Variants in FBXL13 observed in about 807,000 individuals in gnomAD.
FBXL13 encodes the protein F-box and leucine-rich repeat protein 13.
A neutral mutation model predicts 83.6 loss-of-function variants in FBXL13; 67 were observed. The observed-to-expected ratio is 0.80, with a 90% CI of 0.66 to 0.98. The LOEUF is 0.98. Among genes scored for constraint, FBXL13 ranks in the 50% least tolerant of loss-of-function variants. The pLI is 0.00. For missense variants in FBXL13, 822 were observed against 866.5 expected (o/e 0.95, Z 0.64); for synonymous variants, 272 against 299.5 (o/e 0.91, Z 0.95).
intron 18 of FBXL13, among the ~76,000 whole-genome samples, chr7:102,824,555 G>A (rs1028892712): frequency 2.0e-4 from 30 of 150,940 alleles, no homozygotes; most frequent in African/African-American, 6.6e-4. Flanking sequence ...GCACAATCTC[G>A]GCTCACTGCA....
At position 103,028,842 on chromosome 7, in the gene FBXL13, T is replaced by A. The variant is rs562717186; in HGVS notation, c.69-94A>T. 19 of 1,064,588 alleles carry A rather than the reference T, an allele frequency of 1.8e-5. 1 individual carries two copies. The South Asian group carries it at 5.3e-4, about 30-fold the overall frequency. The allele number at this position is 1,064,588 out of a possible 1,614,324, so 65.9% of individuals were successfully genotyped here. Reference sequence around the variant, plus strand: ...AAGGAGAACAAAGAATGATATCTCCTTTATGACCTCAAAAACCACAGCATA... The same window carrying A: ...AAGGAGAACAAAGAATGATATCTCCATTATGACCTCAAAAACCACAGCATA... On this transcript the variant is annotated intron_variant, in intron 3 of 19. Transcript: ENST00000313221.
upstream of FBXL13, chr7:103,074,578 T>A (rs1008102819): frequency 1.6e-6 from 2 of 1,235,864 alleles, no homozygotes; most frequent in Non-Finnish European, 2.1e-6. Context: ...TGCCCCGCCT[T>A]CCCTCCACTC....
chr7:102,931,555 T>C (rs1041893920), intron 9 of FBXL13, among the ~76,000 whole-genome samples: 4 of 152,186 alleles, frequency 2.6e-5, no homozygotes, highest in African/African-American at 9.6e-5. Context: ...TTGATAGCCA[T>C]GAAGATAAAA....
intron 8 of FBXL13, among the ~76,000 whole-genome samples, chr7:102,959,947 A>G (rs572524979): frequency 1.3e-5 from 2 of 152,272 alleles, no homozygotes; most frequent in Admixed American, 1.3e-4. Context: ...AATATAAAAC[A>G]ATATGACTCA....
chr7:103,019,587 A>G lies in FBXL13; in HGVS notation c.495+5476T>C, dbSNP rs557588225. Among the ~76,000 whole-genome samples, 84 of 152,322 alleles carry G rather than the reference A, an allele frequency of 5.5e-4. 1 individual carries two copies. Among genetic ancestry groups the G allele is most frequent in the South Asian group, 3.5e-3 (17 of 4,832 alleles). Reference sequence around the variant, plus strand: ...TTGACAGACGGATAGCAAGACTCATAAAGAAGAAAAGAGGGAAGAATCAAA... The same window carrying G: ...TTGACAGACGGATAGCAAGACTCATGAAGAAGAAAAGAGGGAAGAATCAAA... On this transcript the variant is annotated intron_variant, in intron 6 of 19. Coordinates refer to ENST00000313221, the Ensembl canonical transcript of FBXL13.
In FBXL13 at chr7:103,002,795, G is replaced by A. The variant is rs139797721; in HGVS notation, c.495+22268C>T. Among the ~76,000 whole-genome samples the A allele has an allele frequency of 4.8e-3, 727 of 152,180 alleles. 6 individuals are homozygous for A. Among genetic ancestry groups the A allele is most frequent in the African/African-American group, 0.017 (687 of 41,538 alleles). ...TCCAGACAAATCAGACCTCTTTTATGGTTATTTCCTTCTTTTTTCTTGCTG... is the reference window on the plus strand; with the variant it reads ...TCCAGACAAATCAGACCTCTTTTATAGTTATTTCCTTCTTTTTTCTTGCTG... On this transcript the variant is annotated intron_variant, in intron 6 of 19. Transcript: ENST00000313221.
chr7:102,869,080 A>G (rs947614092), intron 16 of FBXL13, among the ~76,000 whole-genome samples: 1 of 152,220 alleles, frequency 6.6e-6, no homozygotes, highest in Non-Finnish European at 1.5e-5. Context: ...TGGCTGTACT[A>G]ATTGTAATTT....
intron 6 of FBXL13, among the ~76,000 whole-genome samples, chr7:102,975,098 C>G (rs1827267532): frequency 6.6e-6 from 1 of 152,176 alleles, no homozygotes; most frequent in Non-Finnish European, 1.5e-5. Context: ...TTCTCTCCCA[C>G]CCATACTCGC....
At chr7:102,976,414 A>C (rs1188179366) in intron 6 of FBXL13, among the ~76,000 whole-genome samples, 1 of 151,918 alleles carries the variant, frequency 6.6e-6, no homozygotes, top group Non-Finnish European at 1.5e-5. Context: ...ACTCTTTCTT[A>C]GTCCTGCCCT....
chr7:103,039,851 G>A (rs921355876), intron 2 of FBXL13, among the ~76,000 whole-genome samples: 9 of 151,928 alleles, frequency 5.9e-5, no homozygotes, highest in East Asian at 3.9e-4. Flanking sequence ...AGGAACAACC[G>A]GTACCAGCCA....
chr7:102,982,433 C>T (rs908545457), intron 6 of FBXL13, among the ~76,000 whole-genome samples: 4 of 152,088 alleles, frequency 2.6e-5, no homozygotes, highest in African/African-American at 9.7e-5. Flanking sequence ...AGAGTATATA[C>T]AGATTCCTAG....
At chr7:102,984,797 T>C (rs746220223) in intron 6 of FBXL13, among the ~76,000 whole-genome samples, 8 of 152,214 alleles carry the variant, frequency 5.3e-5, no homozygotes, top group Non-Finnish European at 1.2e-4. Flanking sequence ...GGAATCTAAC[T>C]GCATACCATT....
chr7:102,980,983 G>A (rs891129037), intron 6 of FBXL13, among the ~76,000 whole-genome samples: 1 of 152,128 alleles, frequency 6.6e-6, no homozygotes, highest in African/African-American at 2.4e-5. Flanking sequence ...TGTATGTACT[G>A]GGAGGGCAAG....
intron 8 of FBXL13, among the ~76,000 whole-genome samples, chr7:102,946,443 C>T (rs1234133448): frequency 6.6e-6 from 1 of 152,170 alleles, no homozygotes; most frequent in Non-Finnish European, 1.5e-5. Context: ...GGCTGTCTGG[C>T]ACCAGAACTT....
intron 10 of FBXL13, among the ~76,000 whole-genome samples, chr7:102,922,271 G>T (rs1161899508): frequency 6.6e-6 from 1 of 151,800 alleles, no homozygotes; most frequent in Admixed American, 6.6e-5. Flanking sequence ...AGTTGGTTTA[G>T]AAAGTTAAAA....
chr7:103,044,982 T>C lies in FBXL13; in HGVS notation c.-1+10662A>G, dbSNP rs146317164. ...AATAGGCAATGATAAAAGAAAAACT[T>C]CAGCCGAATTAAATGTAAAGGAATT... On this transcript the variant is annotated intron_variant, in intron 2 of 19. Coordinates refer to ENST00000313221, the Ensembl canonical transcript of FBXL13. 8.8e-4 allele frequency among the ~76,000 whole-genome samples: 134 copies of C among 152,364 alleles called. 1 individual carries two copies. Among genetic ancestry groups the C allele is most frequent in the African/African-American group, 3.2e-3 (132 of 41,596 alleles).
chr7:103,009,809 C>A (rs1481780834), intron 6 of FBXL13, among the ~76,000 whole-genome samples: 1 of 152,342 alleles, frequency 6.6e-6, no homozygotes, highest in South Asian at 2.1e-4. Context: ...ACTTGCAGCC[C>A]GGTGGGCAAC....
intron 8 of FBXL13, among the ~76,000 whole-genome samples, chr7:102,940,819 A>G (rs1197310347): frequency 6.6e-6 from 1 of 152,252 alleles, no homozygotes; most frequent in African/African-American, 2.4e-5. Context: ...CCAGATTTAT[A>G]ACATATATAA....
At chr7:102,886,558 T>G (rs995993054) in intron 11 of FBXL13, among the ~76,000 whole-genome samples, 1 of 152,232 alleles carries the variant, frequency 6.6e-6, no homozygotes, top group African/African-American at 2.4e-5. Flanking sequence ...TATACTTACA[T>G]CACCATGTAA....
Sources: gnomAD v4.1 joint callset for allele counts (sites outside exome capture counted in the v4.1 genomes callset) on GRCh38, gnomAD v4.1.1 for gene constraint, MANE v1.5 for transcripts, NCBI Gene and HGNC (gene_info 2026-07-23, HGNC 2026-07-21) for gene names.